COA8: variants seen among roughly 807,000 people sequenced by gnomAD.
COA8 encodes UPF0671 protein C14orf153.
Under a neutral mutation model 22.0 loss-of-function variants are expected in COA8, and 20 were observed. That is an observed-to-expected ratio of 0.91 (90% CI 0.64 to 1.32). The LOEUF is 1.32. COA8 is among the 40% of genes most tolerant of loss of function. The pLI is 0.00. For missense variants in COA8, 266 were observed against 230.0 expected, an observed-to-expected ratio of 1.16 and a Z score of -1.01; for synonymous variants, 105 against 79.9, an observed-to-expected ratio of 1.31 and a Z score of -1.68.
intron 1 of COA8, among the ~76,000 whole-genome samples, chr14:103,569,179 G>A (rs971942946): frequency 6.6e-6 from 1 of 152,130 alleles, no homozygotes; most frequent in African/African-American, 2.4e-5. Context: ...GTGGAAACTA[G>A]CAATTATGGT....
Position 103,571,806 on chromosome 14 carries a change from T to C in COA8, c.307T>C (p.Leu103=). ...TCAACAGTTCTGGGCAAACCAGAAT[T>C]TGACTTTTAGTAAGGTAAGTTTAAG... ...WNQQFWANQN[L]TFSKEKEEFI... The change falls in exon 2 of 5, where the codon TTG becomes CTG. Residue 103 remains leucine (L), a synonymous_variant. Transcript: ENST00000409074. 6.2e-7 allele frequency: 1 copy of C among 1,613,890 alleles called. No individual in the cohort carries two copies.
At chr14:103,588,280 C>A in intron 4 of COA8, 1 of 397,120 alleles carries the variant, frequency 2.5e-6, no homozygotes, top group South Asian at 1.3e-4. Context: ...TTTGGGAGGC[C>A]AAGGTGGGTA....
At chr14:103,585,314 C>G (rs1413275410) in intron 3 of COA8, among the ~76,000 whole-genome samples, 3 of 150,470 alleles carry the variant, frequency 2.0e-5, no homozygotes, top group Non-Finnish European at 4.4e-5. Context: ...CCCGTCTCTA[C>G]TAAAACTACA....
chr14:103,563,225 C>A, intron 1 of COA8, 101 bp downstream of exon 1: 1 of 1,455,818 alleles, frequency 6.9e-7, no homozygotes, highest in African/African-American at 1.4e-5. Context: ...CCGCCTCAGG[C>A]CTTTGTCCAG....
chr14:103,590,222 GA>G lies in COA8; in HGVS notation c.522del (p.Val175TrpfsTer24). 1 of 1,614,164 alleles carries G rather than the reference GA, an allele frequency of 6.2e-7. No individual in the cohort carries two copies. Reference protein sequence around the residue: ...KRNFAITFFMGKVALERIWNK... With the variant: ...KRNFAITFFMXKVALERIWNK... The stretch of plus-strand genomic sequence containing the variant: ...AATTTTGCCATCACCTTCTTCATGG[GA>G]AAAGTGGCCCTGGAAAGGATTTGGA... On this transcript the variant is annotated frameshift_variant, in exon 5 of 5. Coordinates refer to ENST00000409074, the MANE Select transcript of COA8 (RefSeq NM_001370595.2). LOFTEE classifies it low-confidence loss of function (END_TRUNC).
intron 4 of COA8, among the ~76,000 whole-genome samples, chr14:103,588,573 G>A (rs2076328646): frequency 6.6e-6 from 1 of 152,100 alleles, no homozygotes; most frequent in Non-Finnish European, 1.5e-5. Context: ...GCCAGGCACG[G>A]TAGCTCACAC....
At chr14:103,580,496 G>GT (rs1202625113) in intron 3 of COA8, among the ~76,000 whole-genome samples, 11 of 149,234 alleles carry the variant, frequency 7.4e-5, no homozygotes, top group South Asian at 2.1e-4. Context: ...TGTTTTTTGT[G>GT]GTTTTTTTTG....
intron 4 of COA8, among the ~76,000 whole-genome samples, chr14:103,589,869 G>A (rs557202861): frequency 4.6e-5 from 7 of 151,878 alleles, no homozygotes; most frequent in African/African-American, 7.2e-5. Flanking sequence ...AGCCGAGATC[G>A]CGCCACTGCA....
At chr14:103,564,656 T>G (rs1367545542) in intron 1 of COA8, among the ~76,000 whole-genome samples, 1 of 138,994 alleles carries the variant, frequency 7.2e-6, no homozygotes, top group Non-Finnish European at 1.5e-5. Flanking sequence ...CTCAGCTCAC[T>G]GCAACCTCTG....
intron 3 of COA8, among the ~76,000 whole-genome samples, chr14:103,577,150 A>G (rs905606103): frequency 2.0e-5 from 3 of 152,134 alleles, no homozygotes; most frequent in African/African-American, 7.2e-5. Flanking sequence ...GGCTCACTGC[A>G]GTCTCCACCT....
Position 103,574,128 on chromosome 14 carries a change from T to C in COA8, c.343T>C (p.Ser115Pro). Residue 115 changes from serine to proline, a missense_variant, in exon 3 of 5, where the codon TCA becomes CCA. Ser to Pro is a moderately conservative substitution (Grantham distance 74, BLOSUM62 -1). Coordinates refer to ENST00000409074, the MANE Select transcript of COA8 (RefSeq NM_001370595.2). Reference sequence around the variant, plus strand: ...TAAGGAAAAAGAAGAATTTATTCACTCAAGACTAAAAACTAAAGGCCTGGG... The same window carrying C: ...TAAGGAAAAAGAAGAATTTATTCACCCAAGACTAAAAACTAAAGGCCTGGG... ...FSKEKEEFIH[S>P]RLKTKGLGLR... 1.1e-6 allele frequency: 1 copy of C among 870,398 alleles called. No individual in the cohort carries two copies. Among genetic ancestry groups the C allele is most frequent in the Non-Finnish European group, 1.8e-6 (1 of 552,952 alleles). 53.9% of individuals were successfully genotyped at this position (870,398 alleles called of 1,614,324 possible).
intron 1 of COA8, among the ~76,000 whole-genome samples, chr14:103,569,587 A>C (rs1231672024): frequency 6.6e-6 from 1 of 152,216 alleles, no homozygotes; most frequent in African/African-American, 2.4e-5. Flanking sequence ...GACAGTGGTC[A>C]TGCACGGTTA....
chr14:103,588,129 A>AC (rs1455657754), intron 4 of COA8: 10 of 312,392 alleles, frequency 3.2e-5, no homozygotes, highest in Middle Eastern at 8.7e-4. Context: ...AAAAAAAAAA[A>AC]AAAAAAAAAA....
At chr14:103,586,886 T>C (rs546725254) in intron 3 of COA8, among the ~76,000 whole-genome samples, 24 of 152,094 alleles carry the variant, frequency 1.6e-4, no homozygotes, top group African/African-American at 5.1e-4. Context: ...GTATTTTTAG[T>C]AGAGATGGGG....
In COA8 at chr14:103,562,989, G is replaced by T. The variant is rs772468014; in HGVS notation, c.-13G>T. ...TGCTGCCGTGCGCCGCGGGAGCCAG[G>T]GGGCGTGGGGCCATGGTGGTCTTGC... On this transcript the variant is annotated 5_prime_UTR_variant, in exon 1 of 5. Transcript: ENST00000409074. 3.3e-5 allele frequency: 51 copies of T among 1,542,176 alleles called. No individual in the cohort carries two copies. The highest frequency in any genetic ancestry group is 4.1e-5 in the Non-Finnish European group (47 of 1,150,406).
At chr14:103,587,716 G>C (rs1351516647) in intron 4 of COA8, among the ~76,000 whole-genome samples, 12 of 151,354 alleles carry the variant, frequency 7.9e-5, no homozygotes, top group Non-Finnish European at 1.5e-5. Context: ...ACCGTGTTAG[G>C]CAGGATGGTC....
chr14:103,587,474 G>T, intron 4 of COA8, 110 bp downstream of exon 4: 3 of 576,036 alleles, frequency 5.2e-6, no homozygotes, highest in South Asian at 4.1e-5. Context: ...GGTAGAAGTT[G>T]CAAGACTTTA....
chr14:103,590,456 C>G lies in COA8; in HGVS notation c.*170C>G, dbSNP rs1294344934. 1 of 592,862 alleles carries G rather than the reference C, an allele frequency of 1.7e-6. No homozygotes were observed. Among genetic ancestry groups the G allele is most frequent in the Non-Finnish European group, 2.9e-6 (1 of 339,206 alleles). 36.7% of individuals were successfully genotyped at this position (592,862 alleles called of 1,614,324 possible). A position where few individuals can be genotyped will look rare whatever the true frequency, so the allele number is the denominator to read the frequency against. On this transcript the variant is annotated 3_prime_UTR_variant, in exon 5 of 5. Coordinates refer to ENST00000409074, the MANE Select transcript of COA8 (RefSeq NM_001370595.2). ...TAGGTCCTGGGGCACTGTGGGCCGC[C>G]TGCCTGCTGATGTGGGCTCTAGGCC...
At chr14:103,564,164 G>A (rs938467383) in intron 1 of COA8, among the ~76,000 whole-genome samples, 2 of 150,860 alleles carry the variant, frequency 1.3e-5, no homozygotes, top group African/African-American at 4.9e-5. Flanking sequence ...AAAAAAAAAA[G>A]CTAATTAAAA....
Sources: allele counts gnomAD v4.1 joint callset (sites outside exome capture counted in the v4.1 genomes callset), GRCh38; gene constraint gnomAD v4.1.1; transcripts MANE v1.5; gene names NCBI Gene and HGNC (gene_info 2026-07-23, HGNC 2026-07-21).